RBPMS2: variants seen among roughly 807,000 people sequenced by gnomAD.
RBPMS2 encodes the protein RNA-binding protein with multiple splicing 2.
A neutral mutation model predicts 25.7 loss-of-function variants in RBPMS2; 14 were observed. That is an observed-to-expected ratio of 0.55 (90% confidence interval 0.36 to 0.85). The LOEUF is 0.85. Ranked by LOEUF, RBPMS2 falls within the 40% of genes least tolerant of loss-of-function variation. The pLI is 0.01. For missense variants in RBPMS2, 252 were observed against 283.4 expected (o/e 0.89, Z 0.80); for synonymous variants, 127 against 115.6 (o/e 1.10, Z -0.63).
In RBPMS2 at chr15:64,748,421, G is replaced by T; in HGVS notation, c.565C>A (p.Gln189Lys). The change falls in exon 6 of 8, where the codon CAG becomes AAG. Residue 189 changes from glutamine to lysine, a missense_variant and splice_region_variant. Transcript: ENST00000300069. ...ATAAAAALHAQVRWYPSSDTT... is the reference protein window; with the variant it reads ...ATAAAAALHAKVRWYPSSDTT... ...CTCCCCAACCTTAAAGGGCTTACCT[G>T]AGCGTGGAGGGCGGCGGCAGCGGCA... The T allele has an allele frequency of 6.2e-7, 1 of 1,613,912 alleles. No homozygotes were observed. The highest frequency in any genetic ancestry group is 8.5e-7 in the Non-Finnish European group (1 of 1,179,960).
At chr15:64,755,374 C>T (rs2083723728) in intron 1 of RBPMS2, among the ~76,000 whole-genome samples, 1 of 152,104 alleles carries the variant, frequency 6.6e-6, no homozygotes, top group Admixed American at 6.5e-5. Context: ...GGGGAGCAGT[C>T]CGGGAGGCTA....
intron 1 of RBPMS2, among the ~76,000 whole-genome samples, chr15:64,773,667 T>C (rs2083907254): frequency 6.6e-6 from 1 of 152,172 alleles, no homozygotes; most frequent in South Asian, 2.1e-4. Context: ...TTGGGCAGTG[T>C]GAAGTCCCCA....
intron 1 of RBPMS2, among the ~76,000 whole-genome samples, chr15:64,759,317 T>C (rs1008510016): frequency 1.3e-5 from 2 of 152,158 alleles, no homozygotes; most frequent in Non-Finnish European, 2.9e-5. Flanking sequence ...CCATGCTGTC[T>C]AATCCCACCA....
chr15:64,749,690 CA>C (rs1342532934), intron 3 of RBPMS2, among the ~76,000 whole-genome samples, 197 bp from the exon 4 acceptor site: 1 of 152,142 alleles, frequency 6.6e-6, no homozygotes, highest in Non-Finnish European at 1.5e-5. Context: ...TAACATGCAC[CA>C]AAAGTCAAGT....
chr15:64,762,465 G>A (rs1240378356), intron 1 of RBPMS2: 7 of 534,776 alleles, frequency 1.3e-5, no homozygotes. Flanking sequence ...AAGACACTGA[G>A]CACGTTTTCA....
chr15:64,766,952 T>C (rs1186240183), intron 1 of RBPMS2, among the ~76,000 whole-genome samples: 1 of 151,952 alleles, frequency 6.6e-6, no homozygotes, highest in East Asian at 1.9e-4. Flanking sequence ...CCCAGCTAAT[T>C]TTTGTATTTT....
rs1180865282 is a variant in RBPMS2, at chr15:64,760,784, AAG to A, written c.88-9148_88-9147del. On this transcript the variant is annotated intron_variant, in intron 1 of 7. Coordinates refer to ENST00000300069, the MANE Select transcript of RBPMS2 (RefSeq NM_194272.3). ...GTCATTGCACTCCAGCTTGGGCAAA[AAG>A]AGTGAAACTCCATCTCGAAAAAAAA... Among the ~76,000 whole-genome samples the A allele has an allele frequency of 1.3e-5, 2 of 151,958 alleles. 1 individual carries two copies. Among genetic ancestry groups the A allele is most frequent in the South Asian group, 4.2e-4 (2 of 4,788 alleles).
chr15:64,769,055 C>G (rs1440934279), intron 1 of RBPMS2, among the ~76,000 whole-genome samples: 2 of 126,598 alleles, frequency 1.6e-5, no homozygotes, highest in East Asian at 2.3e-4. Flanking sequence ...GAGCAGAGAT[C>G]GTGCCACTGC....
chr15:64,750,957 G>A (rs930093375), intron 2 of RBPMS2, among the ~76,000 whole-genome samples: 6 of 152,102 alleles, frequency 3.9e-5, no homozygotes, highest in Non-Finnish European at 2.9e-5. Context: ...AGAATCGCCT[G>A]AACCCAGGAG....
intron 1 of RBPMS2, among the ~76,000 whole-genome samples, chr15:64,774,611 G>T (rs958122730): frequency 2.5e-5 from 3 of 120,028 alleles, no homozygotes; most frequent in African/African-American, 8.6e-5. Flanking sequence ...AGGACGAACT[G>T]AGTGTCTTTA....
At chr15:64,760,674 G>A (rs967847075) in intron 1 of RBPMS2, among the ~76,000 whole-genome samples, 4 of 151,822 alleles carry the variant, frequency 2.6e-5, no homozygotes, top group African/African-American at 7.3e-5. Flanking sequence ...GGTAGCGCAC[G>A]CCTGTAATCC....
chr15:64,762,465 G>T, intron 1 of RBPMS2: 2 of 534,776 alleles, frequency 3.7e-6, no homozygotes, highest in Non-Finnish European at 7.7e-6. Context: ...AAGACACTGA[G>T]CACGTTTTCA....
At chr15:64,758,574 C>G (rs1397909796) in intron 1 of RBPMS2, among the ~76,000 whole-genome samples, 3 of 152,258 alleles carry the variant, frequency 2.0e-5, no homozygotes, top group Non-Finnish European at 4.4e-5. Flanking sequence ...GCTCTCATGA[C>G]CCCACAGGAG....
intron 1 of RBPMS2, chr15:64,762,416 T>G: frequency 1.9e-6 from 1 of 534,756 alleles, no homozygotes; most frequent in Non-Finnish European, 3.8e-6. Context: ...GCACACGAGC[T>G]GCAGCCTACA....
At chr15:64,771,445 G>A (rs2083892444) in intron 1 of RBPMS2, among the ~76,000 whole-genome samples, 1 of 152,200 alleles carries the variant, frequency 6.6e-6, no homozygotes, top group African/African-American at 2.4e-5. Flanking sequence ...CACTTTGGGA[G>A]GCCGAGCTGG....
At chr15:64,752,838 C>T (rs1009946394) in intron 1 of RBPMS2, among the ~76,000 whole-genome samples, 6 of 152,268 alleles carry the variant, frequency 3.9e-5, no homozygotes, top group Middle Eastern at 3.4e-3. Context: ...TCTCGAACTC[C>T]TGACCGCAAG....
chr15:64,772,459 G>A (rs892051879), intron 1 of RBPMS2, among the ~76,000 whole-genome samples: 1 of 151,720 alleles, frequency 6.6e-6, no homozygotes, highest in Non-Finnish European at 1.5e-5. Context: ...TCAAAGCTTC[G>A]AACACATCTT....
At position 64,775,451 on chromosome 15, in the gene RBPMS2, T is replaced by A; in HGVS notation, c.-132A>T. Reference sequence around the variant, plus strand: ...GGGTGGCGGGGGACCCACGGGGCAGTGAGAGGGGCAGCCTCCGCGTCGGGC... The same window carrying A: ...GGGTGGCGGGGGACCCACGGGGCAGAGAGAGGGGCAGCCTCCGCGTCGGGC... On this transcript the variant is annotated 5_prime_UTR_variant, in exon 1 of 8. Coordinates refer to ENST00000300069, the MANE Select transcript of RBPMS2 (RefSeq NM_194272.3). 1 of 279,386 alleles carries A rather than the reference T, an allele frequency of 3.6e-6. No individual in the cohort carries two copies. Among genetic ancestry groups the A allele is most frequent in the Non-Finnish European group, 6.1e-6 (1 of 164,748 alleles). 17.3% of individuals were successfully genotyped at this position (279,386 alleles called of 1,614,324 possible). A position where few individuals can be genotyped will look rare whatever the true frequency, so the allele number is the denominator to read the frequency against.
intron 6 of RBPMS2, among the ~76,000 whole-genome samples, chr15:64,742,069 CA>C (rs57758351): frequency 0.8 from 121,708 of 152,074 alleles, 52,602 homozygotes; most frequent in East Asian, 0.96. Context: ...GAGGCTGAGG[CA>C]AGGAGAATCG....
Sources: allele counts gnomAD v4.1 joint callset (sites outside exome capture counted in the v4.1 genomes callset), GRCh38; gene constraint gnomAD v4.1.1; transcripts MANE v1.5; gene names NCBI Gene and HGNC (gene_info 2026-07-23, HGNC 2026-07-21).